Variants in ABCA3 observed in about 807,000 individuals in gnomAD.
The protein encoded by ABCA3 is ATP binding cassette subfamily A member 3.
Under a neutral mutation model 172.8 loss-of-function variants are expected in ABCA3, and 88 were observed. The observed-to-expected ratio is 0.51, with a 90% CI of 0.43 to 0.61. The LOEUF (loss-of-function observed/expected upper bound fraction) is 0.61, where lower values mean the gene tolerates loss of function less well. Ranked by LOEUF, ABCA3 falls within the 20% of genes least tolerant of loss-of-function variation. The pLI, the probability that ABCA3 is intolerant of heterozygous loss-of-function variation, is 0.00. For missense variants in ABCA3, 2,164 were observed against 2,301.0 expected (o/e 0.94, Z 1.22); for synonymous variants, 1,066 against 983.8 (o/e 1.08, Z -1.56).
intron 19 of ABCA3, among the ~76,000 whole-genome samples, chr16:2,289,999 A>ACACC (rs771910735): frequency 7.1e-6 from 1 of 141,484 alleles, no homozygotes; most frequent in Admixed American, 7.3e-5. Flanking sequence ...ACACACACAC[A>ACACC]CACCCCTTCC....
chr16:2,301,005 C>T (rs6422254), intron 12 of ABCA3, among the ~76,000 whole-genome samples: 145,844 of 150,824 alleles, frequency 0.97, 70,600 homozygotes, highest in East Asian at 1. Flanking sequence ...CCGAGGCGGG[C>T]GGATCATGAG....
intron 1 of ABCA3, chr16:2,339,162 G>A (rs997727068): frequency 6.6e-6 from 1 of 152,264 alleles, no homozygotes; most frequent in East Asian, 1.9e-4. Flanking sequence ...AAGCAGGGCT[G>A]GGGAAGAAAT....
intron 10 of ABCA3, among the ~76,000 whole-genome samples, chr16:2,314,047 GC>G (rs1329719082): frequency 2.6e-5 from 4 of 152,134 alleles, no homozygotes; most frequent in Non-Finnish European, 2.9e-5. Flanking sequence ...GTGGGAATGC[GC>G]ACCGGTGCAG....
Position 2,284,417 on chromosome 16 carries a change from A to G in ABCA3, c.3724T>C (p.Ser1242Pro). ...RIPAVKLEEL[S>P]KTLDHVFLVL... Reference sequence around the variant, plus strand: ...AGGAACACGTGATCCAGGGTTTTGGAAAGTTCTTCCAGTTTTACAGCTGCG... The same window carrying G: ...AGGAACACGTGATCCAGGGTTTTGGGAAGTTCTTCCAGTTTTACAGCTGCG... Residue 1242 changes from serine (S) to proline (P), a missense_variant, in exon 25 of 33, where the codon TCC (serine) becomes CCC (proline). By Grantham distance (74) the Ser-to-Pro change is moderately conservative. Around this residue, in one of 3 missense-constraint regions of ABCA3, gnomAD observed 795 missense variants for 881.9 expected, o/e 0.90. Coordinates refer to ENST00000301732, the MANE Select transcript of ABCA3 (RefSeq NM_001089.3). The surrounding 1 kb of genome is among the most constrained non-coding windows in gnomAD (Gnocchi z 5.9). 1 of 1,613,910 alleles carries G rather than the reference A, an allele frequency of 6.2e-7. No individual in the cohort carries two copies. The highest frequency in any genetic ancestry group is 8.5e-7 in the Non-Finnish European group (1 of 1,180,010).
chr16:2,296,527 C>T (rs747532609), intron 17 of ABCA3, among the ~76,000 whole-genome samples: 29 of 152,330 alleles, frequency 1.9e-4, no homozygotes, highest in Non-Finnish European at 3.7e-4. Flanking sequence ...TGAGCCACCA[C>T]GCCTGGCCCC....
intron 10 of ABCA3, among the ~76,000 whole-genome samples, chr16:2,315,238 A>ACACACACG (rs1555489504): frequency 4.0e-5 from 6 of 151,336 alleles, no homozygotes; most frequent in South Asian, 2.1e-4. Flanking sequence ...ACACACACAC[A>ACACACACG]CACACAGCAA....
chr16:2,293,065 T>C (rs2093674583), intron 18 of ABCA3, among the ~76,000 whole-genome samples: 1 of 152,168 alleles, frequency 6.6e-6, no homozygotes, highest in African/African-American at 2.4e-5. Context: ...TTTTCTTTTT[T>C]TCTTTAGATG....
chr16:2,335,179 C>T (rs185408308), intron 1 of ABCA3, among the ~76,000 whole-genome samples: 2 of 152,152 alleles, frequency 1.3e-5, no homozygotes, highest in Non-Finnish European at 2.9e-5. Context: ...AGAGTATGGT[C>T]CTCACCCCTT....
chr16:2,289,158 G>C (rs1185920188), intron 20 of ABCA3: 1 of 511,376 alleles, frequency 2.0e-6, no homozygotes, highest in Non-Finnish European at 3.5e-6. Context: ...TTGGCTGCTA[G>C]AGAGCCTCAT....
chr16:2,315,203 T>TACAC (rs377647001), intron 10 of ABCA3, among the ~76,000 whole-genome samples: 22,788 of 138,258 alleles, frequency 0.16, 1,990 homozygotes, highest in Non-Finnish European at 0.21. Flanking sequence ...GTATGTATTT[T>TACAC]ACACACACAC....
Position 2,286,731 on chromosome 16 carries a change from G to A in ABCA3, c.3241C>T (p.Arg1081Trp), listed in dbSNP as rs369277188. 1.1e-4 allele frequency: 182 copies of A among 1,613,726 alleles called. No homozygotes were observed. The highest frequency in any genetic ancestry group is 1.4e-4 in the Non-Finnish European group (171 of 1,179,936). ...TCCTTGGCAGCCTGCAGGGCGCTCC[G>A]GGGCTGGGGGAAGTTGGAGACCACA... Reference protein sequence around the residue: ...SIVVSNFPQPRSALQAAKDQF... With the variant: ...SIVVSNFPQPWSALQAAKDQF... Residue 1081 changes from arginine (R) to tryptophan (W), a missense_variant, in exon 22 of 33, where the codon CGG becomes TGG. Physicochemically the swap from Arg to Trp is moderately radical, Grantham distance 101. This residue lies in a region of ABCA3 where 795 missense variants were observed against 881.9 expected (regional missense o/e 0.90). Coordinates refer to ENST00000301732, the MANE Select transcript of ABCA3 (RefSeq NM_001089.3). This position sits in a 1 kb window ranked among gnomAD's most constrained non-coding sequence, Gnocchi z 5.2.
intron 13 of ABCA3, 42 bp downstream of exon 13, chr16:2,299,963 C>T: frequency 6.2e-7 from 1 of 1,609,152 alleles, no homozygotes; most frequent in Non-Finnish European, 8.5e-7. Flanking sequence ...TTCCCATGGT[C>T]CTGGCAGCCC....
At position 2,326,216 on chromosome 16, in the gene ABCA3, A is replaced by C; in HGVS notation, c.113T>G (p.Ile38Ser). Reference protein sequence around the residue: ...ELFLPLLFSGILIWLRLKIQS... With the variant: ...ELFLPLLFSGSLIWLRLKIQS... ...AATCTTCAAGCGGAGCCAGATGAGG[A>C]TCCCAGAAAACAGCAATGGCAGGAA... The change falls in exon 5 of 33, where the codon ATC becomes AGC. Residue 38 changes from isoleucine to serine, a missense_variant. Coordinates refer to ENST00000301732, the MANE Select transcript of ABCA3 (RefSeq NM_001089.3). 1 of 1,614,052 alleles carries C rather than the reference A, an allele frequency of 6.2e-7. No homozygotes were observed.
chr16:2,285,701 G>C lies in ABCA3; in HGVS notation c.3279-55C>G. 1 of 1,536,644 alleles carries C rather than the reference G, an allele frequency of 6.5e-7. No homozygotes were observed. The highest frequency in any genetic ancestry group is 1.4e-5 in the African/African-American group (1 of 72,850). ...AGCACAGCACGTCTGGGTGGCAGGA[G>C]AGGTCGGGTTCTCGGTTATGACCGC... is the stretch of plus-strand genomic sequence containing the variant. On this transcript the variant is annotated intron_variant, in intron 22 of 32. Transcript: ENST00000301732. The surrounding 1 kb of genome is among the most constrained non-coding windows in gnomAD (Gnocchi z 4.7).
rs993856240 is a variant in ABCA3, at chr16:2,297,439, A to T, written c.2153T>A (p.Leu718Gln). 3 of 1,613,758 alleles carry T rather than the reference A, an allele frequency of 1.9e-6. No homozygotes were observed. The highest frequency in any genetic ancestry group is 2.5e-6 in the Non-Finnish European group (3 of 1,180,040). The change falls in exon 17 of 33, where the codon CTG becomes CAG. Residue 718 changes from leucine (L) to glutamine (Q), a missense_variant. By Grantham distance (113) the Leu-to-Gln change is moderately radical. Transcript: ENST00000301732. The surrounding 1 kb of genome is among the most constrained non-coding windows in gnomAD (Gnocchi z 5.6). ...QRQKSDRTIV[L>Q]TTHFMDEADL... ...AGCCTCGTCCATGAAGTGGGTGGTC[A>T]GCACGATGGTGCGGTCACTTTTCTG...
intron 19 of ABCA3, 24 bp downstream of exon 19, chr16:2,292,116 G>A: frequency 6.3e-7 from 1 of 1,584,414 alleles, no homozygotes; most frequent in Non-Finnish European, 8.7e-7. Context: ...AGTCCTAGGT[G>A]GACGGAAATG....
Position 2,295,751 on chromosome 16 carries a change from G to C in ABCA3, c.2264-11C>G, listed in dbSNP as rs1311778837. ...TGTGATAGCCGGCACCTGGAATACA[G>C]GGCCACGTGTGAGATCTTTGGCTGA... On this transcript the variant is annotated splice_polypyrimidine_tract_variant and intron_variant, in intron 17 of 32. Coordinates refer to ENST00000301732, the MANE Select transcript of ABCA3 (RefSeq NM_001089.3). 4 of 1,613,612 alleles carry C rather than the reference G, an allele frequency of 2.5e-6. No individual in the cohort carries two copies. Among genetic ancestry groups the C allele is most frequent in the Non-Finnish European group, 2.5e-6 (3 of 1,180,048 alleles).
intron 11 of ABCA3, among the ~76,000 whole-genome samples, chr16:2,307,016 C>CAAAGAA: frequency 1.5e-5 from 1 of 65,994 alleles, no homozygotes; most frequent in African/African-American, 7.3e-5. Flanking sequence ...GACTCCGTCT[C>CAAAGAA]AAAAAAAAAA....
At chr16:2,313,989 A>T (rs2093710824) in intron 10 of ABCA3, among the ~76,000 whole-genome samples, 1 of 152,152 alleles carries the variant, frequency 6.6e-6, no homozygotes, top group Non-Finnish European at 1.5e-5. Context: ...ATCAGAAAAC[A>T]ACAGGTGTTC....
Sources: allele counts gnomAD v4.1 joint callset (sites outside exome capture counted in the v4.1 genomes callset), GRCh38; gene constraint gnomAD v4.1.1; regional missense constraint gnomAD v4.1.1; non-coding constraint Gnocchi (gnomAD v3.1); transcripts MANE v1.5; gene names NCBI Gene and HGNC (gene_info 2026-07-23, HGNC 2026-07-21).